EEF1E1: variants seen among roughly 807,000 people sequenced by gnomAD.
The protein encoded by EEF1E1 is eukaryotic translation elongation factor 1 epsilon-1.
In EEF1E1, 19 loss-of-function variants were observed where a neutral mutation model predicts 19.9. That is an observed-to-expected ratio of 0.95 (90% CI 0.66 to 1.40). The LOEUF is 1.40. EEF1E1 is among the 40% of genes most tolerant of loss of function. EEF1E1 has a pLI of 0.00. For synonymous variants in EEF1E1, 81 were observed against 80.0 expected (o/e 1.01, Z -0.07); for missense variants, 198 against 202.2 (o/e 0.98, Z 0.13).
chr6:8,100,644 A>C (rs79190575), intron 1 of EEF1E1, among the ~76,000 whole-genome samples: 4,529 of 152,092 alleles, frequency 0.03, 232 homozygotes, highest in African/African-American at 0.099. Context: ...CAACTGAAGT[A>C]CTATTCCGTA....
downstream of EEF1E1, among the ~76,000 whole-genome samples, chr6:8,076,623 T>A (rs539950897): frequency 1.3e-5 from 2 of 152,062 alleles, no homozygotes; most frequent in Non-Finnish European, 2.9e-5. Flanking sequence ...ACGCCCGGCC[T>A]ACAAAATATA....
chr6:8,078,227 C>T (rs1301700909), downstream of EEF1E1, among the ~76,000 whole-genome samples: 1 of 152,144 alleles, frequency 6.6e-6, no homozygotes, highest in African/African-American at 2.4e-5. Context: ...CTCCTTTCAC[C>T]TGAGCACTTA....
At chr6:8,101,862 G>C in intron 1 of EEF1E1, 1 of 1,279,084 alleles carries the variant, frequency 7.8e-7, no homozygotes, top group Non-Finnish European at 1.0e-6. Flanking sequence ...ATTGGGCCAA[G>C]ACTCCTTAGG....
At chr6:8,087,170 C>T (rs934566671) in intron 3 of EEF1E1, among the ~76,000 whole-genome samples, 1 of 152,134 alleles carries the variant, frequency 6.6e-6, no homozygotes, top group African/African-American at 2.4e-5. Flanking sequence ...GGCTCTGGGG[C>T]ACATGTTGTG....
At chr6:8,078,407 C>T, downstream of EEF1E1, 1 of 177,414 alleles carries the variant, frequency 5.6e-6, no homozygotes, top group Non-Finnish European at 1.2e-5. Flanking sequence ...TTGTGGCACC[C>T]CAAAAATAAT....
At chr6:8,099,997 G>A (rs535871321) in intron 1 of EEF1E1, among the ~76,000 whole-genome samples, 24 of 152,228 alleles carry the variant, frequency 1.6e-4, no homozygotes, top group African/African-American at 5.3e-4. Context: ...TGCAGAGAAT[G>A]CCTTATTGCT....
exon 4 of EEF1E1, chr6:8,073,430 T>A: frequency 6.4e-7 from 1 of 1,550,756 alleles, no homozygotes; most frequent in Non-Finnish European, 8.7e-7. Flanking sequence ...GACATTTGTG[T>A]TTGAATCTCA....
intron 3 of EEF1E1, among the ~76,000 whole-genome samples, chr6:8,088,177 C>G (rs1283392717): frequency 6.6e-6 from 1 of 151,990 alleles, no homozygotes; most frequent in Non-Finnish European, 1.5e-5. Context: ...GTGCCAAGAA[C>G]ATAGTGAGTA....
chr6:8,080,104 GGA>G, intron 3 of EEF1E1, 74 bp from the exon 4 acceptor site: 1 of 1,510,384 alleles, frequency 6.6e-7, no homozygotes, highest in Non-Finnish European at 9.0e-7. Context: ...CACTTAAGTA[GGA>G]GATAGAAGTT....
At chr6:8,099,785 C>A (rs924611245) in intron 1 of EEF1E1, among the ~76,000 whole-genome samples, 4,376 of 94,250 alleles carry the variant, frequency 0.046, 237 homozygotes, top group East Asian at 0.2. Flanking sequence ...CACACACACA[C>A]ACACACAAAA....
At chr6:8,074,308 T>A (rs1757543631) in intron 3 of EEF1E1, among the ~76,000 whole-genome samples, 1 of 152,188 alleles carries the variant, frequency 6.6e-6, no homozygotes, top group African/African-American at 2.4e-5. Context: ...GCTGTACTGA[T>A]AACATATACG....
At chr6:8,086,729 G>C (rs1245267745) in intron 3 of EEF1E1, among the ~76,000 whole-genome samples, 1 of 152,162 alleles carries the variant, frequency 6.6e-6, no homozygotes, top group African/African-American at 2.4e-5. Context: ...TCTTAGTGAT[G>C]AGGTACAGTG....
At chr6:8,089,197 T>A (rs1225575511) in intron 3 of EEF1E1, among the ~76,000 whole-genome samples, 1 of 151,390 alleles carries the variant, frequency 6.6e-6, no homozygotes, top group East Asian at 1.9e-4. Context: ...CAAAAGGGGG[T>A]CAGGTTGGGT....
downstream of EEF1E1, chr6:8,078,457 C>G (rs756243545): frequency 4.2e-6 from 1 of 238,884 alleles, no homozygotes; most frequent in Non-Finnish European, 8.1e-6. Flanking sequence ...GATCAGTTAA[C>G]AGAGAGAGTA....
rs1211733082 is a variant in EEF1E1, at chr6:8,090,170, C to A, written c.384+16G>T. On this transcript the variant is annotated intron_variant, in intron 3 of 3. Transcript: ENST00000379715. ...AACACTACAGAAAAAAAGCCAGTAA[C>A]TATACAAATACTCACTATAAAGCGA... 4.7e-6 allele frequency: 7 copies of A among 1,492,150 alleles called. No homozygotes were observed. Among genetic ancestry groups the A allele is most frequent in the Non-Finnish European group, 6.3e-6 (7 of 1,118,984 alleles). The allele number at this position is 1,492,150 out of a possible 1,614,324, so 92.4% of individuals were successfully genotyped here. A position where few individuals can be genotyped will look rare whatever the true frequency, so the allele number is the denominator to read the frequency against.
intron 3 of EEF1E1, among the ~76,000 whole-genome samples, chr6:8,086,722 T>C (rs1381258247): frequency 1.3e-5 from 2 of 152,190 alleles, no homozygotes; most frequent in African/African-American, 4.8e-5. Flanking sequence ...ATTTCCTTCT[T>C]AGTGATGAGG....
chr6:8,080,888 G>A (rs1322889620), intron 3 of EEF1E1, among the ~76,000 whole-genome samples: 6 of 152,148 alleles, frequency 3.9e-5, no homozygotes, highest in East Asian at 1.9e-4. Context: ...CCCTACAAGC[G>A]CTACAAACCC....
chr6:8,099,688 A>G (rs531687010), intron 1 of EEF1E1, among the ~76,000 whole-genome samples: 1 of 149,432 alleles, frequency 6.7e-6, no homozygotes, highest in South Asian at 2.2e-4. Context: ...CAGAGGTTGC[A>G]GTGAGCCGAG....
chr6:8,099,791 C>CA lies in EEF1E1; in HGVS notation c.88-2325dup, dbSNP rs3031799. On this transcript the variant is annotated intron_variant, in intron 1 of 3. Transcript: ENST00000379715. ...ACACACACACACACACACACACACA[C>CA]AAAAAAAAAACAGAACCCTCTATAA... 1.0e-3 allele frequency among the ~76,000 whole-genome samples: 117 copies of CA among 114,686 alleles called. 4 individuals are homozygous for CA. The highest frequency in any genetic ancestry group is 3.6e-3 in the African/African-American group (108 of 30,142). 75.2% of individuals were successfully genotyped at this position (114,686 alleles called of 152,430 possible). A position where few individuals can be genotyped will look rare whatever the true frequency, so the allele number is the denominator to read the frequency against.
Sources: allele counts gnomAD v4.1 joint callset (sites outside exome capture counted in the v4.1 genomes callset), GRCh38; gene constraint gnomAD v4.1.1; transcripts MANE v1.5; gene names NCBI Gene and HGNC (gene_info 2026-07-23, HGNC 2026-07-21).